The following WDR37 variants were observed in gnomAD, a reference collection of about 807,000 sequenced individuals.
The protein encoded by WDR37 is WD repeat domain 37, also known as WD repeat-containing protein 37.
WDR37 carries 19 observed loss-of-function variants against 62.9 expected under a neutral mutation model. The ratio of observed to expected loss-of-function variants is 0.30; its 90% CI spans 0.21 to 0.44. WDR37 has a LOEUF of 0.44. WDR37 is among the 20% of genes least tolerant of loss of function. WDR37 has a pLI of 1.00. For synonymous variants in WDR37, 250 were observed against 260.9 expected (o/e 0.96, Z 0.40); for missense variants, 474 against 657.6 (o/e 0.72, Z 3.05).
intron 1 of WDR37, among the ~76,000 whole-genome samples, chr10:1,067,698 CAGTG>C (rs1252286402): frequency 2.0e-5 from 3 of 152,270 alleles, no homozygotes; most frequent in East Asian, 3.9e-4. Flanking sequence ...ATTAAGATCA[CAGTG>C]AGATATTACA....
At chr10:1,116,633 G>A (rs566848080) in intron 11 of WDR37, among the ~76,000 whole-genome samples, 1 of 152,278 alleles carries the variant, frequency 6.6e-6, no homozygotes, top group African/African-American at 2.4e-5. Context: ...CCAGGCTAGG[G>A]TCACTAAGGA....
Position 1,069,389 on chromosome 10 carries a change from A to ATATATTTTTTTTT in WDR37, c.-40-2726_-40-2725insATATTTTTTTTTT. On this transcript the variant is annotated intron_variant, in intron 1 of 13. Transcript: ENST00000263150. ...GGAAAGAATATATATATATATATAT[A>ATATATTTTTTTTT]TTTTTTTTTTTTTTTTTTGCAGCAG... 3.5e-4 allele frequency among the ~76,000 whole-genome samples: 34 copies of ATATATTTTTTTTT among 95,776 alleles called. 1 individual carries two copies. Among genetic ancestry groups the ATATATTTTTTTTT allele is most frequent in the African/African-American group, 1.6e-3 (34 of 21,346 alleles). The allele number at this position is 95,776 out of a possible 152,430, so 62.8% of individuals were successfully genotyped here.
chr10:1,080,149 T>C (rs769175822), intron 4 of WDR37, 43 bp downstream of exon 4: 88 of 1,605,414 alleles, frequency 5.5e-5, no homozygotes, highest in East Asian at 2.9e-4. Flanking sequence ...AGATTATACA[T>C]GCAGGAAATT....
intron 11 of WDR37, among the ~76,000 whole-genome samples, chr10:1,115,216 A>G (rs201280222): frequency 1.1e-4 from 16 of 152,342 alleles, no homozygotes; most frequent in African/African-American, 3.6e-4. Context: ...CATGGATGCA[A>G]TATTTGAGGA....
chr10:1,096,464 A>G, intron 9 of WDR37: 1 of 585,218 alleles, frequency 1.7e-6, no homozygotes, highest in East Asian at 2.9e-5. Context: ...GAGACAGTGG[A>G]GAGCTCACCT....
intron 9 of WDR37, among the ~76,000 whole-genome samples, chr10:1,100,360 T>C (rs1375259476): frequency 1.3e-5 from 2 of 152,226 alleles, no homozygotes; most frequent in African/African-American, 2.4e-5. Flanking sequence ...GCCAGGTCCC[T>C]GCAGAAATGG....
In WDR37 at chr10:1,130,315, G is replaced by A. The variant is rs1037809883; in HGVS notation, c.*971G>A. ...ACTGTTGCCTGGCTGGAGCACTTTGGTTTATAGCTGGAATACTGAGTTCAG... is the reference window on the plus strand; with the variant it reads ...ACTGTTGCCTGGCTGGAGCACTTTGATTTATAGCTGGAATACTGAGTTCAG... On this transcript the variant is annotated 3_prime_UTR_variant, in exon 14 of 14. Transcript: ENST00000263150. 2 of 152,722 alleles carry A rather than the reference G, an allele frequency of 1.3e-5. No homozygotes were observed. The highest frequency in any genetic ancestry group is 2.1e-4 in the South Asian group (1 of 4,828). 9.5% of individuals were successfully genotyped at this position (152,722 alleles called of 1,614,324 possible). A position where few individuals can be genotyped will look rare whatever the true frequency, so the allele number is the denominator to read the frequency against.
intron 9 of WDR37, 63 bp downstream of exon 9, chr10:1,096,309 T>C (rs766425884): frequency 2.3e-5 from 35 of 1,541,918 alleles, no homozygotes; most frequent in South Asian, 1.8e-4. Flanking sequence ...TGAGAATCCA[T>C]TTATGATATC....
At chr10:1,118,350 G>A (rs540322812) in intron 11 of WDR37, among the ~76,000 whole-genome samples, 40 of 142,478 alleles carry the variant, frequency 2.8e-4, no homozygotes, top group Non-Finnish European at 5.2e-4. Flanking sequence ...AGCCCTACTT[G>A]AAGTCCCTGC....
In WDR37 at chr10:1,066,570, G is replaced by T. The variant is rs569066101; in HGVS notation, c.-40-5546G>T. The stretch of plus-strand genomic sequence containing the variant: ...TAACACAATTCCTATCAAGATCCCA[G>T]CAAGATTTTTGTAGATATGTAAAAG... On this transcript the variant is annotated intron_variant, in intron 1 of 13. Coordinates refer to ENST00000263150, the MANE Select transcript of WDR37 (RefSeq NM_014023.4). Among the ~76,000 whole-genome samples the T allele has an allele frequency of 9.2e-5, 14 of 152,234 alleles. No homozygotes were observed. The South Asian group carries it at 1.9e-3, about 20-fold the overall frequency.
chr10:1,104,616 C>T (rs1433528112), intron 10 of WDR37, among the ~76,000 whole-genome samples: 2 of 152,166 alleles, frequency 1.3e-5, no homozygotes, highest in Non-Finnish European at 1.5e-5. Flanking sequence ...GAAAGATAAT[C>T]TCATCCTATT....
intron 1 of WDR37, among the ~76,000 whole-genome samples, chr10:1,057,251 A>G (rs1424661196): frequency 6.8e-6 from 1 of 147,246 alleles, no homozygotes; most frequent in Non-Finnish European, 1.5e-5. Context: ...CAGAGGGACC[A>G]GGGTGCGGGA....
intron 2 of WDR37, among the ~76,000 whole-genome samples, chr10:1,074,984 G>A (rs1292213182): frequency 6.6e-6 from 1 of 152,222 alleles, no homozygotes; most frequent in Non-Finnish European, 1.5e-5. Context: ...TGTTGGTGTC[G>A]ATGTGATGGA....
chr10:1,102,178 G>A (rs1032063206), intron 9 of WDR37, among the ~76,000 whole-genome samples: 4 of 142,254 alleles, frequency 2.8e-5, no homozygotes, highest in African/African-American at 1.1e-4. Flanking sequence ...ACGTGTTCTC[G>A]TGCGGCTGTG....
chr10:1,115,419 A>G (rs1413557735), intron 11 of WDR37, among the ~76,000 whole-genome samples: 1 of 152,238 alleles, frequency 6.6e-6, no homozygotes, highest in East Asian at 1.9e-4. Flanking sequence ...TTTTATTTCC[A>G]AACACCTGGG....
intron 8 of WDR37, among the ~76,000 whole-genome samples, chr10:1,094,937 A>AC (rs532991098): frequency 3.2e-4 from 49 of 151,698 alleles, no homozygotes; most frequent in Non-Finnish European, 5.9e-4. Flanking sequence ...AGACTTGGAA[A>AC]CAGGAGGTAA....
chr10:1,075,698 G>A (rs1833859058), intron 2 of WDR37, among the ~76,000 whole-genome samples: 3 of 152,098 alleles, frequency 2.0e-5, no homozygotes, highest in Admixed American at 2.0e-4. Flanking sequence ...AGTGGGAATG[G>A]GGCGTGCAGA....
At chr10:1,096,496 C>T in intron 9 of WDR37, 1 of 531,224 alleles carries the variant, frequency 1.9e-6, no homozygotes, top group Admixed American at 3.4e-5. Context: ...CTCTCTGTCA[C>T]TCTCCGTGTC....
rs529435960 is a variant in WDR37, at chr10:1,098,150, G to A, written c.726+1904G>A. On this transcript the variant is annotated intron_variant, in intron 9 of 13. Coordinates refer to ENST00000263150, the MANE Select transcript of WDR37 (RefSeq NM_014023.4). ...GTGTTGAAGCCCTAACCCCCAGTGTGGCTGTATTTGGAGATGGGGCCTCTG... is the reference window on the plus strand; with the variant it reads ...GTGTTGAAGCCCTAACCCCCAGTGTAGCTGTATTTGGAGATGGGGCCTCTG... Among the ~76,000 whole-genome samples the A allele has an allele frequency of 1.1e-4, 17 of 152,244 alleles. No individual in the cohort carries two copies. The East Asian group carries it at 3.3e-3, about 29-fold the overall frequency.
Sources: allele counts gnomAD v4.1 joint callset (sites outside exome capture counted in the v4.1 genomes callset), GRCh38; gene constraint gnomAD v4.1.1; transcripts MANE v1.5; gene names NCBI Gene and HGNC (gene_info 2026-07-23, HGNC 2026-07-21).